The following CELSR1 variants were observed in gnomAD, a reference collection of about 807,000 sequenced individuals.
CELSR1 encodes cadherin EGF LAG seven-pass G-type receptor 1, also known as adhesion G protein-coupled receptor C1.
Under a neutral mutation model 249.1 loss-of-function variants are expected in CELSR1, and 110 were observed. The ratio of observed to expected loss-of-function variants is 0.44; its 90% CI spans 0.38 to 0.52. CELSR1 has a LOEUF of 0.52. CELSR1 is among the 20% of genes least tolerant of loss of function. The pLI is 0.00. For missense variants in CELSR1, 4,109 were observed against 4,296.4 expected, an observed-to-expected ratio of 0.96 and a Z score of 1.22; for synonymous variants, 2,113 against 1,900.0, an observed-to-expected ratio of 1.11 and a Z score of -2.92.
intron 9 of CELSR1, among the ~76,000 whole-genome samples, chr22:46,403,184 A>T (rs766313307): frequency 1.3e-5 from 2 of 152,194 alleles, no homozygotes; most frequent in African/African-American, 2.4e-5. Context: ...GTAATAGATA[A>T]ATCTACAGTC....
At position 46,537,231 on chromosome 22, in the gene CELSR1, C is replaced by A. The variant is rs990729909; in HGVS notation, c.-61G>T. The A allele has an allele frequency of 2.3e-5, 23 of 1,014,990 alleles. No homozygotes were observed. Among genetic ancestry groups the A allele is most frequent in the Non-Finnish European group, 2.7e-5 (23 of 850,750 alleles). The allele number at this position is 1,014,990 out of a possible 1,614,324, so 62.9% of individuals were successfully genotyped here. ...ACAATCCATGCACCCGGCGCGCCTC[C>A]GCATCCACCCGGCGAGGCCGGGGAG... On this transcript the variant is annotated 5_prime_UTR_variant, in exon 1 of 35. Transcript: ENST00000674500. The surrounding 1 kb of genome is among the most constrained non-coding windows in gnomAD (Gnocchi z 5.8).
In CELSR1 at chr22:46,466,937, C is replaced by T. The variant is rs540327733; in HGVS notation, c.3545-2592G>A. 4.6e-4 allele frequency among the ~76,000 whole-genome samples: 70 copies of T among 152,274 alleles called. 2 individuals are homozygous for T. In the South Asian group the frequency reaches 0.013, roughly 28 times the overall value. ...AGCTCTCCTCTCCTCCGCATCAGGA[C>T]GCAGCAAGAAGGCACTGTCTACCAG... On this transcript the variant is annotated intron_variant, in intron 1 of 34. Coordinates refer to ENST00000674500, the MANE Select transcript of CELSR1 (RefSeq NM_001378328.1).
intron 2 of CELSR1, among the ~76,000 whole-genome samples, chr22:46,457,835 G>A (rs989907436): frequency 1.6e-4 from 24 of 152,204 alleles, no homozygotes; most frequent in African/African-American, 7.2e-5. Flanking sequence ...GTACGTGATT[G>A]GAGGGTCCGG....
chr22:46,481,388 T>G (rs2080264785), intron 1 of CELSR1: 1 of 1,058,312 alleles, frequency 9.4e-7, no homozygotes. Context: ...AGCAGGTGCA[T>G]GTGGTCATCC....
chr22:46,375,798 G>A (rs1360070202), intron 24 of CELSR1, among the ~76,000 whole-genome samples: 2 of 152,296 alleles, frequency 1.3e-5, no homozygotes, highest in African/African-American at 4.8e-5. Context: ...GCCTGCCTCG[G>A]CCTCCTAAAG....
At chr22:46,456,777 C>T (rs1054311882) in intron 2 of CELSR1, among the ~76,000 whole-genome samples, 5 of 151,572 alleles carry the variant, frequency 3.3e-5, no homozygotes, top group Non-Finnish European at 7.4e-5. Context: ...TAAGATTTTC[C>T]CATGAGCACA....
chr22:46,368,779 A>C (rs537210544), intron 27 of CELSR1, among the ~76,000 whole-genome samples: 37 of 151,738 alleles, frequency 2.4e-4, no homozygotes, highest in Non-Finnish European at 2.4e-4. Flanking sequence ...GCACCCTCTG[A>C]CAGTGGGGTG....
chr22:46,442,935 C>CA (rs753745880), intron 2 of CELSR1, among the ~76,000 whole-genome samples: 2,005 of 140,910 alleles, frequency 0.014, 15 homozygotes, highest in African/African-American at 0.018. Context: ...ACTAAAAATA[C>CA]AAAAAAAAAA....
At chr22:46,378,844 G>T in intron 22 of CELSR1, 127 bp from the exon 23 acceptor site, 1 of 1,250,770 alleles carries the variant, frequency 8.0e-7, no homozygotes, top group Non-Finnish European at 1.1e-6. Context: ...AGCAGGTGCC[G>T]TGAGTGCTGA....
At chr22:46,364,338 C>A in intron 33 of CELSR1, 87 bp from the exon 34 acceptor site, 1 of 1,553,052 alleles carries the variant, frequency 6.4e-7, no homozygotes, top group South Asian at 1.2e-5. Flanking sequence ...CCAGCCTCAG[C>A]CCCTGTCCTT....
chr22:46,463,693 G>A lies in CELSR1; in HGVS notation c.4183+14C>T, dbSNP rs1362341921. The A allele has an allele frequency of 6.0e-6, 9 of 1,507,892 alleles. No homozygotes were observed. Among genetic ancestry groups the A allele is most frequent in the Non-Finnish European group, 8.0e-6 (9 of 1,130,198 alleles). The allele number at this position is 1,507,892 out of a possible 1,614,324, so 93.4% of individuals were successfully genotyped here. ...GGACATGTACACAAAGCCAGGGTGA[G>A]CCCGGGCACCTACCAGTGAAGTCCT... On this transcript the variant is annotated intron_variant, in intron 2 of 34. Transcript: ENST00000674500.
At chr22:46,378,775 G>C (rs2078946696) in intron 22 of CELSR1, 58 bp from the exon 23 acceptor site, 3 of 1,570,068 alleles carry the variant, frequency 1.9e-6, no homozygotes, top group East Asian at 4.6e-5. Context: ...CCATGAGTCT[G>C]TAAAGGGCAG....
intron 26 of CELSR1, 130 bp from the exon 27 acceptor site, chr22:46,369,388 G>A: frequency 2.6e-6 from 2 of 759,834 alleles, no homozygotes; most frequent in Non-Finnish European, 4.3e-6. Flanking sequence ...ACCCTGGCCT[G>A]TGGGGCGAAG....
At chr22:46,496,538 C>T (rs1187911455) in intron 1 of CELSR1, among the ~76,000 whole-genome samples, 1 of 151,918 alleles carries the variant, frequency 6.6e-6, no homozygotes, top group African/African-American at 2.4e-5. Flanking sequence ...ACTGCACTCC[C>T]GCCTGGGTAA....
intron 25 of CELSR1, among the ~76,000 whole-genome samples, chr22:46,371,344 C>A (rs1262319205): frequency 6.6e-6 from 1 of 152,088 alleles, no homozygotes; most frequent in Non-Finnish European, 1.5e-5. Context: ...GGAGCAACAC[C>A]CCCCCACCCC....
intron 33 of CELSR1, 121 bp downstream of exon 33, chr22:46,364,391 G>A (rs541566900): frequency 4.8e-5 from 71 of 1,490,038 alleles, no homozygotes; most frequent in African/African-American, 1.1e-4. Context: ...AGGAGGCCAC[G>A]TCTGTTCTGC....
intron 9 of CELSR1, among the ~76,000 whole-genome samples, chr22:46,400,455 T>G (rs2079199066): frequency 6.6e-6 from 1 of 152,106 alleles, no homozygotes; most frequent in South Asian, 2.1e-4. Context: ...CTGGCCAACA[T>G]GGTGAAACCT....
rs1213671406 is a variant in CELSR1 at position 46,506,854 on chromosome 22, A to T, written c.3544+26773T>A. On this transcript the variant is annotated intron_variant, in intron 1 of 34. Transcript: ENST00000674500. This position sits in a 1 kb window ranked among gnomAD's most constrained non-coding sequence, Gnocchi z 4.1. ...TTCTCCACGGTCTGTCACCCGCACC[A>T]CCAGGACACAGCCTGCACACACAGG... is the stretch of plus-strand genomic sequence containing the variant. Among the ~76,000 whole-genome samples, 1 of 152,190 alleles carries T rather than the reference A, an allele frequency of 6.6e-6. No homozygotes were observed. The highest frequency in any genetic ancestry group is 1.5e-5 in the Non-Finnish European group (1 of 68,024).
chr22:46,409,907 C>G lies in CELSR1; in HGVS notation c.4934-27G>C, dbSNP rs370281650. The G allele has an allele frequency of 6.3e-5, 101 of 1,608,694 alleles. No homozygotes were observed. The highest frequency in any genetic ancestry group is 8.6e-5 in the Non-Finnish European group (101 of 1,179,660). Reference sequence around the variant, plus strand: ...TGGCAACACAGAGCGTGCGGCAGAGCCTGACTCGGAGGAACCGCCCGGGGT... The same window carrying G: ...TGGCAACACAGAGCGTGCGGCAGAGGCTGACTCGGAGGAACCGCCCGGGGT... On this transcript the variant is annotated intron_variant, in intron 7 of 34. Transcript: ENST00000674500. This position sits in a 1 kb window ranked among gnomAD's most constrained non-coding sequence, Gnocchi z 9.8.
Sources: gnomAD v4.1 joint callset for allele counts (sites outside exome capture counted in the v4.1 genomes callset) on GRCh38, gnomAD v4.1.1 for gene constraint, Gnocchi (gnomAD v3.1) non-coding constraint, MANE v1.5 for transcripts, NCBI Gene and HGNC (gene_info 2026-07-23, HGNC 2026-07-21) for gene names.